FAT3: variants seen among roughly 807,000 people sequenced by gnomAD.
The protein encoded by FAT3 is protocadherin Fat 3.
Under a neutral mutation model 310.2 loss-of-function variants are expected in FAT3, and 95 were observed. The observed-to-expected ratio is 0.31, with a 90% CI of 0.26 to 0.36. The LOEUF (loss-of-function observed/expected upper bound fraction) is 0.36, where lower values mean the gene tolerates loss of function less well. Ranked by LOEUF, FAT3 falls within the 10% of genes least tolerant of loss-of-function variation. The probability of loss-of-function intolerance (pLI) is 1.00; values close to 1 mark genes in which losing one functional copy is unlikely to be tolerated. For synonymous variants in FAT3, 2,314 were observed against 2,192.9 expected, an observed-to-expected ratio of 1.06 and a Z score of -1.54; for missense variants, 5,408 against 5,715.6, an observed-to-expected ratio of 0.95 and a Z score of 1.74.
chr11:92,891,159 A>C lies in FAT3; in HGVS notation c.*46A>C. ...CACCCTGTTTGTTACAGAAAAGTGGAAGCAGATTGGCTGGGCTTCTGTCCC... is the reference window on the plus strand; with the variant it reads ...CACCCTGTTTGTTACAGAAAAGTGGCAGCAGATTGGCTGGGCTTCTGTCCC... On this transcript the variant is annotated 3_prime_UTR_variant, in exon 28 of 28. Coordinates refer to ENST00000525166, the MANE Select transcript of FAT3 (RefSeq NM_001367949.2). 6.3e-7 allele frequency: 1 copy of C among 1,592,458 alleles called. No homozygotes were observed. The highest frequency in any genetic ancestry group is 8.6e-7 in the Non-Finnish European group (1 of 1,169,374).
chr11:92,350,012 A>G (rs376760809), intron 1 of FAT3, among the ~76,000 whole-genome samples: 3 of 151,530 alleles, frequency 2.0e-5, no homozygotes, highest in South Asian at 2.1e-4. Flanking sequence ...CTTGTGGGGT[A>G]TGGAGAGAGC....
At chr11:92,254,134 T>C (rs1476032459) in intron 1 of FAT3, among the ~76,000 whole-genome samples, 1 of 152,128 alleles carries the variant, frequency 6.6e-6, no homozygotes, top group African/African-American at 2.4e-5. Flanking sequence ...ATCCTCTCGT[T>C]CTTTCTCCCC....
At chr11:92,822,242 A>C (rs970322064) in intron 13 of FAT3, among the ~76,000 whole-genome samples, 4 of 151,926 alleles carry the variant, frequency 2.6e-5, no homozygotes, top group Non-Finnish European at 4.4e-5. Context: ...GACCCATATC[A>C]GTTGATCATA....
chr11:92,608,720 C>CAATAATAATAATAATAATAATAATAAT (rs9299904), intron 3 of FAT3, among the ~76,000 whole-genome samples: 1,763 of 145,142 alleles, frequency 0.012, 14 homozygotes, highest in Middle Eastern at 0.021. Context: ...CTGAATTCAG[C>CAATAATAATAATAATAATAATAATAAT]AATAATAATA....
At chr11:92,226,721 T>C (rs1378705798) in intron 1 of FAT3, among the ~76,000 whole-genome samples, 1 of 152,080 alleles carries the variant, frequency 6.6e-6, no homozygotes, top group African/African-American at 2.4e-5. Context: ...CCGGTGGCTC[T>C]GGCACGCGGA....
At chr11:92,674,025 A>G (rs1458985286) in intron 3 of FAT3, among the ~76,000 whole-genome samples, 1 of 151,910 alleles carries the variant, frequency 6.6e-6, no homozygotes, top group Non-Finnish European at 1.5e-5. Flanking sequence ...TACTAAAAAT[A>G]CAAAAATTAG....
rs1192146383 is a variant in FAT3 at position 92,806,504 on chromosome 11, A to G, written c.9236A>G (p.Asp3079Gly). ...TCTGGAAACAGTGAATTTTTTCTAGATCCAGAAAGTGGTAAGCTAAAATTT... is the reference window on the plus strand; with the variant it reads ...TCTGGAAACAGTGAATTTTTTCTAGGTCCAGAAAGTGGTAAGCTAAAATTT... The part of the protein sequence containing the change: ...YGSGNSEFFL[D>G]PESGELKTLA... The change falls in exon 12 of 28, where the codon GAT becomes GGT. Residue 3079 changes from aspartate (D) to glycine (G), a missense_variant. Asp to Gly is a moderately conservative substitution (Grantham distance 94, BLOSUM62 -1). Coordinates refer to ENST00000525166, the MANE Select transcript of FAT3 (RefSeq NM_001367949.2). The G allele has an allele frequency of 1.3e-6, 2 of 1,543,816 alleles. No homozygotes were observed. The highest frequency in any genetic ancestry group is 1.8e-6 in the Non-Finnish European group (2 of 1,142,390).
chr11:92,821,183 C>G (rs1260548558), intron 13 of FAT3, among the ~76,000 whole-genome samples: 1 of 152,180 alleles, frequency 6.6e-6, no homozygotes, highest in East Asian at 1.9e-4. Context: ...GAGACAAAAT[C>G]CAGTCAAATC....
chr11:92,536,174 A>G (rs548320614), intron 3 of FAT3, among the ~76,000 whole-genome samples: 2 of 147,968 alleles, frequency 1.4e-5, no homozygotes, highest in South Asian at 4.1e-4. Flanking sequence ...CATAAACTTT[A>G]TTAATATTGA....
chr11:92,715,202 G>A (rs1202929172), intron 4 of FAT3, among the ~76,000 whole-genome samples: 3 of 150,616 alleles, frequency 2.0e-5, no homozygotes, highest in East Asian at 2.0e-4. Context: ...TCAGGAGATC[G>A]AGACCATCCT....
intron 3 of FAT3, among the ~76,000 whole-genome samples, chr11:92,626,566 A>T (rs1941346357): frequency 6.6e-6 from 1 of 151,502 alleles, no homozygotes; most frequent in South Asian, 2.1e-4. Flanking sequence ...TGATAGTTGC[A>T]TGGGTCTTTT....
At chr11:92,663,345 A>G (rs1042393546) in intron 3 of FAT3, among the ~76,000 whole-genome samples, 12 of 152,192 alleles carry the variant, frequency 7.9e-5, no homozygotes, top group Non-Finnish European at 1.6e-4. Flanking sequence ...ATTGAAGACC[A>G]AGATGAGTTT....
chr11:92,507,822 C>T (rs747451088), intron 2 of FAT3, among the ~76,000 whole-genome samples: 1 of 151,772 alleles, frequency 6.6e-6, no homozygotes, highest in Non-Finnish European at 1.5e-5. Context: ...TGTATATGCC[C>T]CTTATAACAC....
chr11:92,408,169 C>T (rs1431547068), intron 2 of FAT3: 1 of 152,238 alleles, frequency 6.6e-6, no homozygotes, highest in African/African-American at 2.4e-5. Context: ...TGTGGCCTTT[C>T]CACTGATCAC....
intron 2 of FAT3, among the ~76,000 whole-genome samples, chr11:92,394,763 T>A (rs1160240377): frequency 6.6e-6 from 1 of 152,188 alleles, no homozygotes; most frequent in Non-Finnish European, 1.5e-5. Flanking sequence ...TCTTGGACAA[T>A]TTAAAATTAA....
intron 1 of FAT3, among the ~76,000 whole-genome samples, chr11:92,292,482 C>T (rs971574489): frequency 1.3e-5 from 2 of 152,072 alleles, no homozygotes; most frequent in Non-Finnish European, 2.9e-5. Context: ...TTGTGTGACA[C>T]TTGCCTTCTG....
intron 25 of FAT3, among the ~76,000 whole-genome samples, chr11:92,887,906 G>A (rs1056717019): frequency 6.6e-6 from 1 of 152,172 alleles, no homozygotes; most frequent in Non-Finnish European, 1.5e-5. Context: ...CATCCACAGA[G>A]ACAAGCAGCC....
In FAT3 at chr11:92,353,388, T is replaced by C. The variant is rs374084346; in HGVS notation, c.1276T>C (p.Ser426Pro). 6.2e-7 allele frequency: 1 copy of C among 1,613,388 alleles called. No individual in the cohort carries two copies. Among genetic ancestry groups the C allele is most frequent in the Non-Finnish European group, 8.5e-7 (1 of 1,179,730 alleles). ...DAVYFKINPRSGLIVTARPLN... is the reference protein window; with the variant it reads ...DAVYFKINPRPGLIVTARPLN... ...AGTGTACTTTAAAATTAATCCTCGG[T>C]CGGGTCTGATTGTTACAGCACGGCC... The change falls in exon 2 of 28, where the codon TCG becomes CCG. Residue 426 changes from serine (S) to proline (P), a missense_variant. Ser to Pro is a moderately conservative substitution (Grantham distance 74). Around this residue, in one of 5 missense-constraint regions of FAT3, gnomAD observed 4,588 missense variants for 4,809.8 expected, o/e 0.95. Coordinates refer to ENST00000525166, the MANE Select transcript of FAT3 (RefSeq NM_001367949.2).
chr11:92,887,261 C>A, intron 25 of FAT3, 148 bp downstream of exon 25: 1 of 683,010 alleles, frequency 1.5e-6, no homozygotes. Context: ...TGGTTTACTC[C>A]ATTGTTGGGT....
Sources: allele counts gnomAD v4.1 joint callset (sites outside exome capture counted in the v4.1 genomes callset), GRCh38; gene constraint gnomAD v4.1.1; regional missense constraint gnomAD v4.1.1; transcripts MANE v1.5; gene names NCBI Gene and HGNC (gene_info 2026-07-23, HGNC 2026-07-21).